Variants in PAIP2B observed in about 807,000 individuals in gnomAD.
The protein encoded by PAIP2B is poly(A) binding protein interacting protein 2B.
A neutral mutation model predicts 17.0 loss-of-function variants in PAIP2B; 13 were observed. That is an observed-to-expected ratio of 0.76 (90% CI 0.50 to 1.22). PAIP2B has a LOEUF of 1.22. Ranked by LOEUF, PAIP2B falls within the 50% of genes most tolerant of loss-of-function variation. PAIP2B has a pLI of 0.00. For missense variants in PAIP2B, 117 were observed against 144.5 expected (o/e 0.81, Z 0.98); for synonymous variants, 43 against 48.7 (o/e 0.88, Z 0.48).
At position 71,188,515 on chromosome 2, in the gene PAIP2B, T is replaced by C. The variant is rs987735612; in HGVS notation, c.336A>G (p.Pro112=). The C allele has an allele frequency of 1.2e-6, 2 of 1,610,028 alleles. No individual in the cohort carries two copies. The highest frequency in any genetic ancestry group is 1.7e-4 in the Middle Eastern group (1 of 6,058). Residue 112 remains proline, a synonymous_variant, in exon 4 of 4, where the codon CCA becomes CCG. Transcript: ENST00000244221. ...EDILSKSNLN[P]DAKEFIPGEK... ...CTCCTGGAATAAACTCCTTGGCATC[T>C]GGGTTCAGGTTACTTTTGCTCTGAA...
intron 1 of PAIP2B, among the ~76,000 whole-genome samples, chr2:71,214,191 G>T (rs1386059081): frequency 6.6e-6 from 1 of 152,104 alleles, no homozygotes; most frequent in Admixed American, 6.5e-5. Flanking sequence ...TAGTGCTTAA[G>T]CTTAGGTCTT....
Position 71,201,458 on chromosome 2 carries a change from T to G in PAIP2B, c.138+994A>C, listed in dbSNP as rs140656802. Among the ~76,000 whole-genome samples the G allele has an allele frequency of 7.2e-3, 1,097 of 151,956 alleles. 4 individuals are homozygous for G. The highest frequency in any genetic ancestry group is 0.013 in the Non-Finnish European group (855 of 67,968). The stretch of plus-strand genomic sequence containing the variant: ...GAGTGCAGTGGTGCGATTGGCTCAC[T>G]GCAACCTCCACCTATTGGTTTAAGC... On this transcript the variant is annotated intron_variant, in intron 2 of 3. Coordinates refer to ENST00000244221, the MANE Select transcript of PAIP2B (RefSeq NM_020459.1).
In PAIP2B at chr2:71,185,666, T is replaced by C. The variant is rs1251096423; in HGVS notation, c.*2813A>G. Reference sequence around the variant, plus strand: ...GGTCAAGCCTTTCCTTAGGATCGTTTCTGGTTTCACCCTTATGTGATTCCC... The same window carrying C: ...GGTCAAGCCTTTCCTTAGGATCGTTCCTGGTTTCACCCTTATGTGATTCCC... On this transcript the variant is annotated 3_prime_UTR_variant, in exon 4 of 4. Coordinates refer to ENST00000244221, the MANE Select transcript of PAIP2B (RefSeq NM_020459.1). The C allele has an allele frequency of 1.3e-5, 2 of 152,134 alleles. No individual in the cohort carries two copies. The highest frequency in any genetic ancestry group is 2.9e-5 in the Non-Finnish European group (2 of 68,032). 9.4% of individuals were successfully genotyped at this position (152,134 alleles called of 1,614,324 possible).
intron 1 of PAIP2B, among the ~76,000 whole-genome samples, chr2:71,220,623 A>G (rs1169665162): frequency 6.6e-6 from 1 of 152,254 alleles, no homozygotes; most frequent in Non-Finnish European, 1.5e-5. Flanking sequence ...ATAGTGCTCC[A>G]GAGTGCTCAA....
chr2:71,187,105 C>T lies in PAIP2B; in HGVS notation c.*1374G>A, dbSNP rs1471481224. On this transcript the variant is annotated 3_prime_UTR_variant, in exon 4 of 4. Coordinates refer to ENST00000244221, the MANE Select transcript of PAIP2B (RefSeq NM_020459.1). ...TATTATCTTCAGGGCTCTCCAATTC[C>T]TCATCCCTGGGAGAATGGCCTGGAT... The T allele has an allele frequency of 6.6e-6, 1 of 152,280 alleles. No homozygotes were observed. Among genetic ancestry groups the T allele is most frequent in the East Asian group, 1.9e-4 (1 of 5,202 alleles). 9.4% of individuals were successfully genotyped at this position (152,280 alleles called of 1,614,324 possible).
At chr2:71,202,400 C>T (rs920409845) in intron 2 of PAIP2B, 52 bp downstream of exon 2, 6 of 1,588,446 alleles carry the variant, frequency 3.8e-6, no homozygotes, top group Non-Finnish European at 5.1e-6. Flanking sequence ...AATATTATAG[C>T]TGTTGAGTTA....
chr2:71,213,376 T>G (rs543275797), intron 1 of PAIP2B, among the ~76,000 whole-genome samples: 2 of 152,306 alleles, frequency 1.3e-5, no homozygotes, highest in Admixed American at 1.3e-4. Flanking sequence ...AGAAATCTTT[T>G]CAGGAAGGGT....
intron 1 of PAIP2B, among the ~76,000 whole-genome samples, chr2:71,221,722 A>C (rs1675585566): frequency 6.6e-6 from 1 of 152,180 alleles, no homozygotes; most frequent in African/African-American, 2.4e-5. Context: ...AAACTCTCCA[A>C]AGGGTTCTTT....
chr2:71,201,026 T>G (rs912989581), intron 2 of PAIP2B, among the ~76,000 whole-genome samples: 2 of 151,778 alleles, frequency 1.3e-5, no homozygotes, highest in African/African-American at 4.8e-5. Flanking sequence ...TGTGTGTGTG[T>G]GTGTGTGTGT....
At chr2:71,222,348 T>C (rs1240185382) in intron 1 of PAIP2B, among the ~76,000 whole-genome samples, 1 of 152,156 alleles carries the variant, frequency 6.6e-6, no homozygotes, top group African/African-American at 2.4e-5. Context: ...GGACGGCATA[T>C]AGGCTGAACT....
At chr2:71,208,619 A>G (rs1675201114) in intron 1 of PAIP2B, among the ~76,000 whole-genome samples, 1 of 152,194 alleles carries the variant, frequency 6.6e-6, no homozygotes, top group Non-Finnish European at 1.5e-5. Context: ...GTCCTAATCC[A>G]TGGAATCTGT....
intron 1 of PAIP2B, among the ~76,000 whole-genome samples, 173 bp downstream of exon 1, chr2:71,226,755 G>A (rs1231425391): frequency 6.6e-6 from 1 of 152,196 alleles, no homozygotes; most frequent in Non-Finnish European, 1.5e-5. Context: ...TTTCGCCGAT[G>A]GCCGCGACGT....
chr2:71,191,577 C>T (rs1322717686), intron 2 of PAIP2B, among the ~76,000 whole-genome samples: 1 of 152,212 alleles, frequency 6.6e-6, no homozygotes, highest in African/African-American at 2.4e-5. Flanking sequence ...TCCCAGAGCA[C>T]CAGGCTGTTC....
chr2:71,184,737 C>T lies in PAIP2B; in HGVS notation c.*3742G>A, dbSNP rs1221270332. 1 of 152,212 alleles carries T rather than the reference C, an allele frequency of 6.6e-6. No individual in the cohort carries two copies. Among genetic ancestry groups the T allele is most frequent in the Admixed American group, 6.5e-5 (1 of 15,286 alleles). 9.4% of individuals were successfully genotyped at this position (152,212 alleles called of 1,614,324 possible). On this transcript the variant is annotated 3_prime_UTR_variant, in exon 4 of 4. Transcript: ENST00000244221. ...AGGCAGAAGGACATCAAGGCCCCCA[C>T]TACACACCAAATTAGAGTCAATCCT...
intron 1 of PAIP2B, among the ~76,000 whole-genome samples, chr2:71,213,917 C>T (rs1675364197): frequency 6.6e-6 from 1 of 152,182 alleles, no homozygotes; most frequent in Non-Finnish European, 1.5e-5. Context: ...CGGTAACAGT[C>T]TCTCTTTTAA....
In PAIP2B at chr2:71,205,204, A is replaced by T. The variant is rs146806610; in HGVS notation, c.-11-2604T>A. ...AATGAACTTAACGCAAATACTTCAC[A>T]GAAGTTAAAAACACTGATATGGTAT... On this transcript the variant is annotated intron_variant, in intron 1 of 3. Coordinates refer to ENST00000244221, the MANE Select transcript of PAIP2B (RefSeq NM_020459.1). Among the ~76,000 whole-genome samples, 446 of 152,328 alleles carry T rather than the reference A, an allele frequency of 2.9e-3. 1 individual carries two copies. The highest frequency in any genetic ancestry group is 4.3e-3 in the Non-Finnish European group (292 of 68,026).
intron 1 of PAIP2B, among the ~76,000 whole-genome samples, chr2:71,215,576 T>C (rs1417955615): frequency 6.6e-6 from 1 of 152,226 alleles, no homozygotes; most frequent in Non-Finnish European, 1.5e-5. Flanking sequence ...CTGTTTGTAA[T>C]ACTAGTTATT....
At chr2:71,215,683 G>C (rs1385465216) in intron 1 of PAIP2B, among the ~76,000 whole-genome samples, 1 of 152,178 alleles carries the variant, frequency 6.6e-6, no homozygotes, top group East Asian at 1.9e-4. Flanking sequence ...ACTTGTTAAA[G>C]CAAAACTCCT....
At chr2:71,202,385 A>G in intron 2 of PAIP2B, 67 bp downstream of exon 2, 1 of 1,554,182 alleles carries the variant, frequency 6.4e-7, no homozygotes, top group Non-Finnish European at 8.7e-7. Flanking sequence ...ATAAACTGGC[A>G]GTAAAATATT....
Sources: allele counts gnomAD v4.1 joint callset (sites outside exome capture counted in the v4.1 genomes callset), GRCh38; gene constraint gnomAD v4.1.1; transcripts MANE v1.5; gene names NCBI Gene and HGNC (gene_info 2026-07-23, HGNC 2026-07-21).